Variants in PHLPP2 observed in about 807,000 individuals in gnomAD.
The protein encoded by PHLPP2 is PH domain leucine-rich repeat-containing protein phosphatase 2.
In PHLPP2, 66 loss-of-function variants were observed where a neutral mutation model predicts 124.9. The ratio of observed to expected loss-of-function variants is 0.53; its 90% CI spans 0.43 to 0.65. The LOEUF (loss-of-function observed/expected upper bound fraction) is 0.65, where lower values mean the gene tolerates loss of function less well. PHLPP2 is among the 30% of genes least tolerant of loss of function. PHLPP2 has a pLI of 0.00. For synonymous variants in PHLPP2, 681 were observed against 624.7 expected (o/e 1.09, Z -1.34); for missense variants, 1,685 against 1,600.4 (o/e 1.05, Z -0.90).
chr16:71,651,473 A>G (rs1275389393), intron 18 of PHLPP2, among the ~76,000 whole-genome samples: 1 of 152,244 alleles, frequency 6.6e-6, no homozygotes, highest in Admixed American at 6.5e-5. Flanking sequence ...CTAAAGCAGG[A>G]GGATCACTTA....
At chr16:71,697,602 C>T (rs947365511) in intron 3 of PHLPP2, among the ~76,000 whole-genome samples, 4 of 152,096 alleles carry the variant, frequency 2.6e-5, no homozygotes, top group African/African-American at 4.8e-5. Context: ...AATTCTTTTG[C>T]GTCTGGCTTC....
intron 3 of PHLPP2, among the ~76,000 whole-genome samples, chr16:71,698,331 C>T (rs993044300): frequency 1.3e-5 from 2 of 152,140 alleles, no homozygotes; most frequent in Non-Finnish European, 2.9e-5. Flanking sequence ...CTTGGTAAAG[C>T]CCCACTTCTT....
intron 13 of PHLPP2, among the ~76,000 whole-genome samples, chr16:71,659,179 T>A (rs919708795): frequency 1.3e-5 from 2 of 151,844 alleles, no homozygotes; most frequent in Admixed American, 6.6e-5. Flanking sequence ...AGTAAGTCAA[T>A]GTCAGCAGTC....
intron 3 of PHLPP2, among the ~76,000 whole-genome samples, chr16:71,702,017 T>C (rs1021891185): frequency 1.3e-5 from 2 of 152,174 alleles, no homozygotes; most frequent in East Asian, 3.8e-4. Context: ...ACTACCATAA[T>C]GAAGAACTAG....
chr16:71,666,950 C>T (rs1268781362), intron 12 of PHLPP2, among the ~76,000 whole-genome samples: 1 of 152,140 alleles, frequency 6.6e-6, no homozygotes, highest in Non-Finnish European at 1.5e-5. Context: ...TTGTTTACAA[C>T]ACAGAAACCT....
chr16:71,697,959 C>T (rs1305121160), intron 3 of PHLPP2, among the ~76,000 whole-genome samples: 2 of 151,694 alleles, frequency 1.3e-5, no homozygotes, highest in Non-Finnish European at 2.9e-5. Context: ...ACCATTCTCC[C>T]ACCTCAGCCT....
At chr16:71,659,969 T>A (rs2044774320) in intron 13 of PHLPP2, among the ~76,000 whole-genome samples, 1 of 152,058 alleles carries the variant, frequency 6.6e-6, no homozygotes, top group African/African-American at 2.4e-5. Context: ...ATATAACATA[T>A]CATAAATAAT....
At chr16:71,663,773 G>A in intron 13 of PHLPP2, 126 bp downstream of exon 13, 1 of 741,180 alleles carries the variant, frequency 1.3e-6, no homozygotes, top group Non-Finnish European at 2.3e-6. Flanking sequence ...CTCAACTAGT[G>A]AAATCATAGC....
chr16:71,690,779 G>C, intron 3 of PHLPP2, 70 bp from the exon 4 acceptor site: 2 of 1,076,462 alleles, frequency 1.9e-6, no homozygotes, highest in African/African-American at 1.6e-5. Flanking sequence ...GAAAAAGAAA[G>C]CATTGTGTGT....
At chr16:71,685,898 A>C (rs2045050948) in intron 4 of PHLPP2, among the ~76,000 whole-genome samples, 1 of 152,200 alleles carries the variant, frequency 6.6e-6, no homozygotes, top group Non-Finnish European at 1.5e-5. Flanking sequence ...CTTTGGAATT[A>C]TTAAATATTC....
rs781097391 is a variant in PHLPP2, at chr16:71,649,480, GC to G, written c.3381del (p.Leu1128CysfsTer32). On this transcript the variant is annotated frameshift_variant, in exon 19 of 19. Coordinates refer to ENST00000568954, the MANE Select transcript of PHLPP2 (RefSeq NM_015020.3). LOFTEE classifies it high-confidence loss of function. ...GCAGAAGAAGGCTGGCGCTGAAACA[GC>G]CCAGAGGTGGGTGTTGGGTGGAGGC... ...RCSLHPTPTS[G>X]LFQRQPSSAT... 6.2e-7 allele frequency: 1 copy of G among 1,614,104 alleles called. No homozygotes were observed. Among genetic ancestry groups the G allele is most frequent in the Non-Finnish European group, 8.5e-7 (1 of 1,180,002 alleles).
intron 3 of PHLPP2, among the ~76,000 whole-genome samples, chr16:71,699,164 T>C (rs1460038611): frequency 1.3e-5 from 2 of 152,128 alleles, no homozygotes; most frequent in African/African-American, 4.8e-5. Flanking sequence ...ATAGTTTTGA[T>C]AGAGACAGGA....
chr16:71,710,119 G>A (rs1012801856), intron 2 of PHLPP2, among the ~76,000 whole-genome samples: 1 of 152,084 alleles, frequency 6.6e-6, no homozygotes, highest in South Asian at 2.1e-4. Context: ...AAAGTGCTAG[G>A]ATTACAGACT....
chr16:71,708,871 C>A (rs1725751867), intron 2 of PHLPP2, among the ~76,000 whole-genome samples: 2 of 152,102 alleles, frequency 1.3e-5, no homozygotes, highest in South Asian at 4.1e-4. Context: ...ACAGGAGAAT[C>A]ACTTGAGCCC....
intron 10 of PHLPP2, among the ~76,000 whole-genome samples, chr16:71,670,973 G>C (rs892118675): frequency 1.3e-5 from 2 of 152,144 alleles, no homozygotes; most frequent in Non-Finnish European, 2.9e-5. Flanking sequence ...GCATGGAGGA[G>C]ACTGGGGAGG....
At chr16:71,708,998 A>T (rs2045305426) in intron 2 of PHLPP2, among the ~76,000 whole-genome samples, 1 of 152,168 alleles carries the variant, frequency 6.6e-6, no homozygotes, top group Non-Finnish European at 1.5e-5. Context: ...AATAAATTTT[A>T]AAAAATTCTG....
chr16:71,723,395 CCCTCCGAGCCCTCCGGAGCCGG>C (rs1178276970), intron 1 of PHLPP2: 2 of 152,420 alleles, frequency 1.3e-5, no homozygotes, highest in Non-Finnish European at 2.9e-5. Flanking sequence ...GAACCGGCGG[CCCTCCGAGCCCTCCGGAGCCGG>C]CCTCCGGGCC....
chr16:71,703,840 TGTA>T (rs1439068896), intron 2 of PHLPP2, among the ~76,000 whole-genome samples: 2 of 152,210 alleles, frequency 1.3e-5, no homozygotes, highest in Non-Finnish European at 2.9e-5. Flanking sequence ...ATATCTCACA[TGTA>T]GTAAGTGTTC....
intron 7 of PHLPP2, 63 bp from the exon 8 acceptor site, chr16:71,679,048 G>C: frequency 1.1e-6 from 1 of 891,302 alleles, no homozygotes; most frequent in South Asian, 1.5e-5. Flanking sequence ...CACAGAATCA[G>C]AGTTAGGGAT....
Sources: gnomAD v4.1 joint callset for allele counts (sites outside exome capture counted in the v4.1 genomes callset) on GRCh38, gnomAD v4.1.1 for gene constraint, MANE v1.5 for transcripts, NCBI Gene and HGNC (gene_info 2026-07-23, HGNC 2026-07-21) for gene names.